Variants in PATJ observed in about 807,000 individuals in gnomAD.
PATJ encodes the protein PATJ crumbs cell polarity complex component, also known as inaD-like protein.
Under a neutral mutation model 224.9 loss-of-function variants are expected in PATJ, and 190 were observed. That is an observed-to-expected ratio of 0.84 (90% CI 0.75 to 0.95). PATJ has a LOEUF of 0.95. Among genes scored for constraint, PATJ ranks in the 40% least tolerant of loss-of-function variants. The pLI is 0.00. For synonymous variants in PATJ, 769 were observed against 820.3 expected (o/e 0.94, Z 1.07); for missense variants, 2,121 against 2,270.3 (o/e 0.93, Z 1.34).
At chr1:61,916,737 A>G (rs1673500932) in intron 26 of PATJ, among the ~76,000 whole-genome samples, 1 of 152,218 alleles carries the variant, frequency 6.6e-6, no homozygotes, top group African/African-American at 2.4e-5. Context: ...GGAGACCGGA[A>G]TTGTATTATT....
At chr1:61,965,460 A>G (rs1414457140) in intron 27 of PATJ, among the ~76,000 whole-genome samples, 2 of 152,192 alleles carry the variant, frequency 1.3e-5, no homozygotes, top group African/African-American at 4.8e-5. Context: ...CTTGTTTTTG[A>G]TACCTCTGAG....
intron 22 of PATJ, among the ~76,000 whole-genome samples, chr1:61,888,605 A>G (rs965750897): frequency 1.3e-5 from 2 of 152,186 alleles, no homozygotes; most frequent in African/African-American, 4.8e-5. Flanking sequence ...CTTAGTGTGA[A>G]TAGTTGAATC....
intron 31 of PATJ, among the ~76,000 whole-genome samples, chr1:62,064,746 T>G (rs575780835): frequency 6.6e-6 from 1 of 152,346 alleles, no homozygotes; most frequent in South Asian, 2.1e-4. Flanking sequence ...AGGTGTTATA[T>G]CCTACTCATT....
At chr1:61,791,152 T>C (rs951169665) in intron 8 of PATJ, among the ~76,000 whole-genome samples, 196 bp from the exon 9 acceptor site, 3 of 152,188 alleles carry the variant, frequency 2.0e-5, no homozygotes, top group Non-Finnish European at 2.9e-5. Flanking sequence ...TTAGGCCCAC[T>C]TGGATAGTCT....
chr1:61,920,097 T>A (rs1674068400), intron 26 of PATJ, among the ~76,000 whole-genome samples: 1 of 152,218 alleles, frequency 6.6e-6, no homozygotes, highest in Non-Finnish European at 1.5e-5. Flanking sequence ...TGTGTATTTT[T>A]AGTTTTTATT....
At chr1:61,808,006 AATGGTTTGAGCTTGTTGTGG>A (rs1203630519) in intron 13 of PATJ, among the ~76,000 whole-genome samples, 5 of 152,186 alleles carry the variant, frequency 3.3e-5, no homozygotes, top group African/African-American at 1.2e-4. Context: ...CTCCTGGGGA[AATGGTTTGAGCTTGTTGTGG>A]AAAGTCAGAT....
At chr1:62,146,957 C>G (rs1320406257) in intron 41 of PATJ, among the ~76,000 whole-genome samples, 1 of 152,012 alleles carries the variant, frequency 6.6e-6, no homozygotes, top group Non-Finnish European at 1.5e-5. Context: ...TTGCAGGGAG[C>G]AAAGCCTCCA....
intron 23 of PATJ, among the ~76,000 whole-genome samples, chr1:61,900,628 C>T (rs553196687): frequency 3.3e-5 from 5 of 151,754 alleles, no homozygotes; most frequent in Admixed American, 6.6e-5. Flanking sequence ...CTGGCTCTGT[C>T]GCCCGGGCTG....
At chr1:62,119,706 G>A (rs375647378) in intron 37 of PATJ, among the ~76,000 whole-genome samples, 39 of 152,244 alleles carry the variant, frequency 2.6e-4, no homozygotes, top group African/African-American at 8.7e-4. Context: ...CTGGGAGTTC[G>A]AGGCGGGCAG....
At chr1:61,769,231 A>T (rs1285500856) in intron 4 of PATJ, 52 bp from the exon 5 acceptor site, 2 of 1,564,262 alleles carry the variant, frequency 1.3e-6, no homozygotes, top group Non-Finnish European at 1.7e-6. Flanking sequence ...CAGACAGAGT[A>T]TGTTGGCTAA....
At chr1:62,109,663 A>C (rs1663556720) in intron 34 of PATJ, among the ~76,000 whole-genome samples, 1 of 152,238 alleles carries the variant, frequency 6.6e-6, no homozygotes. Flanking sequence ...TTTTCAAATC[A>C]ATTGGTGTTA....
intron 27 of PATJ, among the ~76,000 whole-genome samples, chr1:61,973,690 G>A (rs1338611026): frequency 1.3e-5 from 2 of 151,968 alleles, no homozygotes; most frequent in Non-Finnish European, 2.9e-5. Flanking sequence ...TGTAACCATA[G>A]TGAGCTTGCA....
chr1:61,826,330 G>A (rs570161699), intron 15 of PATJ, among the ~76,000 whole-genome samples: 12 of 152,310 alleles, frequency 7.9e-5, no homozygotes, highest in African/African-American at 2.6e-4. Flanking sequence ...GCTTCTCCGA[G>A]TAAAGTCAGG....
chr1:61,791,420 G>T lies in PATJ; in HGVS notation c.1141G>T (p.Val381Phe), dbSNP rs144464492. ...TGGGCAGAGTCTTGGAATTAGAATT[G>T]TTGGCTATGTTGGAACATCTCATAC... Reference protein sequence around the residue: ...KDGQSLGIRIVGYVGTSHTGE... With the variant: ...KDGQSLGIRIFGYVGTSHTGE... The change falls in exon 9 of 44, where the codon GTT (valine) becomes TTT (phenylalanine). Residue 381 changes from valine to phenylalanine, a missense_variant. Coordinates refer to ENST00000642238, the MANE Select transcript of PATJ (RefSeq NM_001350145.3). 5 of 1,603,848 alleles carry T rather than the reference G, an allele frequency of 3.1e-6. No individual in the cohort carries two copies. The African/African-American group carries it at 6.7e-5, about 21-fold the overall frequency.
intron 12 of PATJ, among the ~76,000 whole-genome samples, chr1:61,803,725 T>C (rs1012203947): frequency 6.6e-6 from 1 of 152,208 alleles, no homozygotes; most frequent in Admixed American, 6.5e-5. Context: ...TATGTGTGCT[T>C]TTTGGATCAA....
intron 27 of PATJ, among the ~76,000 whole-genome samples, chr1:61,948,541 A>G (rs570016272): frequency 2.0e-4 from 30 of 152,278 alleles, no homozygotes; most frequent in Non-Finnish European, 4.0e-4. Context: ...TTAGAATGGC[A>G]ATCATTAAAA....
rs79978428 is a variant in PATJ, at chr1:61,866,683, G to A, written c.2835+2050G>A. 4.6e-3 allele frequency among the ~76,000 whole-genome samples: 700 copies of A among 152,178 alleles called. 6 individuals carry two copies. The highest frequency in any genetic ancestry group is 0.015 in the African/African-American group (643 of 41,520). On this transcript the variant is annotated intron_variant, in intron 20 of 43. Coordinates refer to ENST00000642238, the MANE Select transcript of PATJ (RefSeq NM_001350145.3). ...TATTGATGCTCTTCACAATATAACT[G>A]TTACCGGAAAGAGGTCCTGATCCAG... is the stretch of plus-strand genomic sequence containing the variant.
At chr1:61,906,697 C>A (rs1671907699) in intron 24 of PATJ, among the ~76,000 whole-genome samples, 1 of 152,114 alleles carries the variant, frequency 6.6e-6, no homozygotes, top group Non-Finnish European at 1.5e-5. Context: ...CTGAACTTGT[C>A]TGGGAGAATC....
At chr1:61,801,489 G>A (rs1446062674) in intron 11 of PATJ, 134 bp from the exon 12 acceptor site, 27 of 486,796 alleles carry the variant, frequency 5.5e-5, no homozygotes, top group Non-Finnish European at 3.9e-5. Flanking sequence ...AGTTACCTCA[G>A]ATTTAATAAG....
Sources: gnomAD v4.1 joint callset for allele counts (sites outside exome capture counted in the v4.1 genomes callset) on GRCh38, gnomAD v4.1.1 for gene constraint, MANE v1.5 for transcripts, NCBI Gene and HGNC (gene_info 2026-07-23, HGNC 2026-07-21) for gene names.